Variants in SLC24A2 observed in about 807,000 individuals in gnomAD.
SLC24A2 encodes sodium/potassium/calcium exchanger 2.
In SLC24A2, 36 loss-of-function variants were observed where a neutral mutation model predicts 62.0. The observed-to-expected ratio is 0.58, with a 90% CI of 0.44 to 0.77. The LOEUF (loss-of-function observed/expected upper bound fraction) is 0.77. Among genes scored for constraint, SLC24A2 ranks in the 30% least tolerant of loss-of-function variants. The pLI is 0.00. For missense variants in SLC24A2, 846 were observed against 817.9 expected, an observed-to-expected ratio of 1.03 and a Z score of -0.42; for synonymous variants, 358 against 294.0, an observed-to-expected ratio of 1.22 and a Z score of -2.23.
At chr9:19,965,491 T>C in the SLC24A2 span, among the ~76,000 whole-genome samples, 3 of 152,162 alleles carry the variant, frequency 2.0e-5, no homozygotes, top group African/African-American at 7.2e-5. Flanking sequence ...TCCAGCTAAA[T>C]AGAAGCTCTG....
chr9:20,229,954 A>G, the SLC24A2 span, among the ~76,000 whole-genome samples: 4 of 145,062 alleles, frequency 2.8e-5, no homozygotes, highest in East Asian at 4.1e-4. Context: ...TCATTGTTCA[A>G]TTCGCACCTA....
intron 2 of SLC24A2, among the ~76,000 whole-genome samples, chr9:19,759,819 T>A (rs78782031): frequency 6.6e-6 from 1 of 152,164 alleles, no homozygotes; most frequent in Admixed American, 6.5e-5. Flanking sequence ...CTGGCATAAA[T>A]AGGGCTCCTG....
At chr9:19,585,828 C>T (rs189611361) in intron 5 of SLC24A2, among the ~76,000 whole-genome samples, 17 of 152,280 alleles carry the variant, frequency 1.1e-4, no homozygotes, top group African/African-American at 3.8e-4. Context: ...TGGTTACCCA[C>T]GTGTGCCCAT....
chr9:19,954,233 T>C, the SLC24A2 span, among the ~76,000 whole-genome samples: 2 of 152,124 alleles, frequency 1.3e-5, no homozygotes, highest in Non-Finnish European at 2.9e-5. Context: ...TTCCCTGAGA[T>C]ATCATAGCAG....
At chr9:19,689,967 C>T (rs1819995693) in intron 2 of SLC24A2, among the ~76,000 whole-genome samples, 1 of 152,074 alleles carries the variant, frequency 6.6e-6, no homozygotes, top group Non-Finnish European at 1.5e-5. Flanking sequence ...AATAAAAAGG[C>T]AGAGGACAGA....
intron 2 of SLC24A2, among the ~76,000 whole-genome samples, chr9:19,781,904 A>G (rs1254484989): frequency 6.6e-6 from 1 of 152,250 alleles, no homozygotes; most frequent in Admixed American, 6.5e-5. Context: ...CACTTTATGA[A>G]GAATGTTTAT....
the SLC24A2 span, among the ~76,000 whole-genome samples, chr9:20,015,531 T>C: frequency 4.6e-5 from 7 of 152,364 alleles, no homozygotes; most frequent in East Asian, 1.3e-3. Flanking sequence ...CGCTTTCCAA[T>C]TCTCATGCAA....
intron 5 of SLC24A2, among the ~76,000 whole-genome samples, chr9:19,589,447 T>C (rs1400375670): frequency 6.6e-6 from 1 of 152,218 alleles, no homozygotes; most frequent in African/African-American, 2.4e-5. Context: ...CTTATTGTCT[T>C]TCCTTATGTA....
chr9:19,516,986 C>T (rs1026749474), intron 10 of SLC24A2, among the ~76,000 whole-genome samples: 1 of 152,128 alleles, frequency 6.6e-6, no homozygotes, highest in African/African-American at 2.4e-5. Flanking sequence ...ATTGGTCTTT[C>T]TGAAAGATTT....
At chr9:19,849,163 C>A in the SLC24A2 span, among the ~76,000 whole-genome samples, 1 of 152,150 alleles carries the variant, frequency 6.6e-6, no homozygotes, top group South Asian at 2.1e-4. Context: ...TGCATCTTTA[C>A]CTTCCCTCTG....
At chr9:20,182,633 C>T in the SLC24A2 span, among the ~76,000 whole-genome samples, 44 of 152,092 alleles carry the variant, frequency 2.9e-4, no homozygotes, top group African/African-American at 9.9e-4. Context: ...CAGGGCCTGT[C>T]GGGGCGGGGG....
chr9:19,890,068 C>A, the SLC24A2 span, among the ~76,000 whole-genome samples: 1 of 152,194 alleles, frequency 6.6e-6, no homozygotes, highest in African/African-American at 2.4e-5. Context: ...AATATAACCT[C>A]TCCATTACAA....
intron 2 of SLC24A2, among the ~76,000 whole-genome samples, chr9:19,718,589 G>A (rs991175987): frequency 7.2e-5 from 11 of 151,782 alleles, no homozygotes; most frequent in African/African-American, 2.7e-4. Flanking sequence ...GAGATTACAG[G>A]CATGAGCCAC....
chr9:19,970,829 A>G, the SLC24A2 span, among the ~76,000 whole-genome samples: 1 of 152,196 alleles, frequency 6.6e-6, no homozygotes, highest in Non-Finnish European at 1.5e-5. Flanking sequence ...TATATTCAAT[A>G]ACACCTTGGC....
intron 2 of SLC24A2, among the ~76,000 whole-genome samples, chr9:19,742,257 G>A (rs1032459516): frequency 6.6e-6 from 1 of 152,178 alleles, no homozygotes; most frequent in Non-Finnish European, 1.5e-5. Context: ...AGAGCACCCT[G>A]TTAAGAATTT....
rs936064511 is a variant in SLC24A2, at chr9:19,599,850, C to T, written c.1079-2571G>A. Among the ~76,000 whole-genome samples the T allele has an allele frequency of 2.0e-5, 3 of 152,072 alleles. No homozygotes were observed. The highest frequency in any genetic ancestry group is 2.9e-5 in the Non-Finnish European group (2 of 68,004). On this transcript the variant is annotated intron_variant, in intron 4 of 10. Transcript: ENST00000341998. This position sits in a 1 kb window ranked among gnomAD's most constrained non-coding sequence, Gnocchi z 4.5. ...AAGACCTAGTCTTGCTGAGAGGACC[C>T]GGGAGGCGCTCACCGGCATAGGAAT...
chr9:19,707,716 T>A (rs1355908895), intron 2 of SLC24A2, among the ~76,000 whole-genome samples: 3 of 152,062 alleles, frequency 2.0e-5, no homozygotes, highest in Admixed American at 6.6e-5. Context: ...CCTTCATGCT[T>A]AAAACTCTCA....
At chr9:19,612,625 C>T (rs1465122097) in intron 4 of SLC24A2, among the ~76,000 whole-genome samples, 1 of 152,120 alleles carries the variant, frequency 6.6e-6, no homozygotes, top group Non-Finnish European at 1.5e-5. Flanking sequence ...GGACTAGAAC[C>T]CATGGGGGTC....
the SLC24A2 span, among the ~76,000 whole-genome samples, chr9:19,803,698 G>C: frequency 6.6e-6 from 1 of 152,110 alleles, no homozygotes. Flanking sequence ...GAAGAGATGA[G>C]AAATGAGATA....
Sources: allele counts gnomAD v4.1 joint callset (sites outside exome capture counted in the v4.1 genomes callset), GRCh38; gene constraint gnomAD v4.1.1; non-coding constraint Gnocchi (gnomAD v3.1); transcripts MANE v1.5; gene names NCBI Gene and HGNC (gene_info 2026-07-23, HGNC 2026-07-21).